USH2A: variants seen among roughly 807,000 people sequenced by gnomAD.
The protein encoded by USH2A is Usher syndrome 2A (autosomal recessive, mild).
A neutral mutation model predicts 538.9 loss-of-function variants in USH2A; 443 were observed. The ratio of observed to expected loss-of-function variants is 0.82; its 90% CI spans 0.76 to 0.89. The LOEUF (loss-of-function observed/expected upper bound fraction) is 0.89. Among genes scored for constraint, USH2A ranks in the 40% least tolerant of loss-of-function variants. The probability of loss-of-function intolerance (pLI) is 0.00; values close to 1 mark genes in which losing one functional copy is unlikely to be tolerated. For missense variants in USH2A, 6,633 were observed against 6,324.8 expected (o/e 1.05, Z -1.65); for synonymous variants, 2,413 against 2,273.5 (o/e 1.06, Z -1.75).
intron 11 of USH2A, among the ~76,000 whole-genome samples, chr1:216,288,471 ATT>A (rs1558366298): frequency 6.6e-6 from 1 of 152,116 alleles, no homozygotes; most frequent in Admixed American, 6.6e-5. Context: ...GGAGAAAGAT[ATT>A]TTGTCTTGTG....
At chr1:216,033,866 A>G (rs910662486) in intron 32 of USH2A, among the ~76,000 whole-genome samples, 10 of 152,164 alleles carry the variant, frequency 6.6e-5, no homozygotes, top group Admixed American at 3.9e-4. Context: ...AAAAGTTTGG[A>G]TGTGAAGGAT....
At chr1:215,933,941 C>A (rs1451635253) in intron 38 of USH2A, among the ~76,000 whole-genome samples, 1 of 151,880 alleles carries the variant, frequency 6.6e-6, no homozygotes, top group Non-Finnish European at 1.5e-5. Flanking sequence ...CGATTATTTC[C>A]CGCAACGAGT....
intron 15 of USH2A, among the ~76,000 whole-genome samples, chr1:216,212,683 T>TTGTGTGTG (rs10654206): frequency 2.0e-5 from 3 of 147,558 alleles, no homozygotes; most frequent in African/African-American, 7.5e-5. Context: ...GTGTGTGTGT[T>TTGTGTGTG]TGTGTGTGTG....
intron 21 of USH2A, among the ~76,000 whole-genome samples, chr1:216,170,609 T>C (rs2034258286): frequency 6.6e-6 from 1 of 152,032 alleles, no homozygotes; most frequent in Non-Finnish European, 1.5e-5. Context: ...GATACTACAA[T>C]AGTCAAACCT....
intron 61 of USH2A, among the ~76,000 whole-genome samples, chr1:215,711,408 T>C (rs2102698584): frequency 6.6e-6 from 1 of 152,178 alleles, no homozygotes; most frequent in East Asian, 1.9e-4. Flanking sequence ...TTTAAAACTG[T>C]CTTTCTGCTT....
intron 38 of USH2A, among the ~76,000 whole-genome samples, chr1:215,910,641 T>C (rs988225414): frequency 1.3e-5 from 2 of 151,984 alleles, no homozygotes; most frequent in Non-Finnish European, 2.9e-5. Context: ...TCCTGTCATA[T>C]CATTACTCAC....
chr1:216,377,257 G>A (rs1010746328), intron 3 of USH2A, among the ~76,000 whole-genome samples: 1 of 152,132 alleles, frequency 6.6e-6, no homozygotes, highest in Non-Finnish European at 1.5e-5. Context: ...TTGTTTCAAG[G>A]TAGTCCTTTC....
Position 215,671,299 on chromosome 1 carries a change from G to C in USH2A, c.13812-6C>G. ...CTTGAATTCGTATTTCATACCTTCAGGACATAAGGCAGAAATTAGTGATTT... is the reference window on the plus strand; with the variant it reads ...CTTGAATTCGTATTTCATACCTTCACGACATAAGGCAGAAATTAGTGATTT... On this transcript the variant is annotated splice_polypyrimidine_tract_variant and splice_region_variant and intron_variant, in intron 63 of 71. Coordinates refer to ENST00000307340, the MANE Select transcript of USH2A (RefSeq NM_206933.4). 6.2e-7 allele frequency: 1 copy of C among 1,613,780 alleles called. No homozygotes were observed. The highest frequency in any genetic ancestry group is 8.5e-7 in the Non-Finnish European group (1 of 1,179,952).
intron 64 of USH2A, among the ~76,000 whole-genome samples, chr1:215,661,716 G>T (rs902994572): frequency 6.6e-6 from 1 of 152,154 alleles, no homozygotes; most frequent in African/African-American, 2.4e-5. Flanking sequence ...AAGGAACAGA[G>T]AAATGGTGCC....
chr1:215,630,088 G>T, intron 70 of USH2A: 1 of 515,244 alleles, frequency 1.9e-6, no homozygotes, highest in Admixed American at 2.0e-5. Flanking sequence ...GCTTTCCAAG[G>T]AATGGATATA....
intron 32 of USH2A, among the ~76,000 whole-genome samples, chr1:216,022,149 C>G (rs1668858664): frequency 6.6e-6 from 1 of 152,134 alleles, no homozygotes; most frequent in Non-Finnish European, 1.5e-5. Flanking sequence ...GCTTCCTGTA[C>G]AGCCTCCAGA....
chr1:216,223,551 C>G (rs1393379653), intron 14 of USH2A, among the ~76,000 whole-genome samples: 1 of 152,136 alleles, frequency 6.6e-6, no homozygotes, highest in African/African-American at 2.4e-5. Flanking sequence ...AAAGTAACAT[C>G]CTGACGGTTC....
intron 63 of USH2A, among the ~76,000 whole-genome samples, chr1:215,673,743 A>G (rs1205761707): frequency 6.6e-6 from 1 of 152,120 alleles, no homozygotes; most frequent in Non-Finnish European, 1.5e-5. Flanking sequence ...CATTTTCTTC[A>G]CAGTCTGGCC....
intron 56 of USH2A, among the ~76,000 whole-genome samples, chr1:215,765,192 G>A (rs1661092648): frequency 6.6e-6 from 1 of 152,066 alleles, no homozygotes. Context: ...AAATCTGGTT[G>A]ATAGATCCTT....
rs1044859121 is a variant in USH2A, at chr1:216,086,974, T to A, written c.4886-154A>T. ...GTTCATTACTTTTCTTCACTGGCTC[T>A]TCCTCAACATCCCAGCATCATGATG... On this transcript the variant is annotated intron_variant, in intron 23 of 71. Coordinates refer to ENST00000307340, the MANE Select transcript of USH2A (RefSeq NM_206933.4). 5 of 639,048 alleles carry A rather than the reference T, an allele frequency of 7.8e-6. No homozygotes were observed. The African/African-American group carries it at 9.1e-5, about 12-fold the overall frequency. 39.6% of individuals were successfully genotyped at this position (639,048 alleles called of 1,614,324 possible).
chr1:215,972,374 G>A (rs997036394), intron 35 of USH2A, among the ~76,000 whole-genome samples: 2 of 152,124 alleles, frequency 1.3e-5, no homozygotes, highest in Non-Finnish European at 2.9e-5. Context: ...TTCAGCTCTG[G>A]TTGGGGCAGC....
At chr1:215,979,615 G>A (rs1428964553) in intron 35 of USH2A, among the ~76,000 whole-genome samples, 2 of 152,060 alleles carry the variant, frequency 1.3e-5, no homozygotes, top group Non-Finnish European at 2.9e-5. Context: ...GGAAGTAGTC[G>A]TGAATGAGGC....
intron 24 of USH2A, among the ~76,000 whole-genome samples, chr1:216,086,072 G>A (rs1218158685): frequency 6.6e-6 from 1 of 152,014 alleles, no homozygotes; most frequent in Non-Finnish European, 1.5e-5. Flanking sequence ...TTAGCATTGC[G>A]TTTGAAGGGT....
chr1:215,743,915 T>C (rs1660391339), intron 58 of USH2A, among the ~76,000 whole-genome samples: 1 of 152,174 alleles, frequency 6.6e-6, no homozygotes, highest in African/African-American at 2.4e-5. Context: ...TATTAGATTG[T>C]GTATTCCAAA....
Sources: gnomAD v4.1 joint callset for allele counts (sites outside exome capture counted in the v4.1 genomes callset) on GRCh38, gnomAD v4.1.1 for gene constraint, MANE v1.5 for transcripts, NCBI Gene and HGNC (gene_info 2026-07-23, HGNC 2026-07-21) for gene names.